TSC2: variants seen among roughly 807,000 people sequenced by gnomAD.
TSC2 encodes TSC complex subunit 2, also known as tuberin.
A neutral mutation model predicts 202.2 loss-of-function variants in TSC2; 29 were observed. The observed-to-expected ratio is 0.14, with a 90% CI of 0.11 to 0.20. The LOEUF (loss-of-function observed/expected upper bound fraction) is 0.20, where lower values mean the gene tolerates loss of function less well. Ranked by LOEUF, TSC2 falls within the 10% of genes least tolerant of loss-of-function variation. The pLI is 1.00. For synonymous variants in TSC2, 1,349 were observed against 1,044.0 expected, an observed-to-expected ratio of 1.29 and a Z score of -5.63; for missense variants, 2,429 against 2,420.0, an observed-to-expected ratio of 1.00 and a Z score of -0.08.
At chr16:2,077,003 C>T (rs1052400394) in intron 25 of TSC2, among the ~76,000 whole-genome samples, 3 of 152,234 alleles carry the variant, frequency 2.0e-5, no homozygotes, top group African/African-American at 4.8e-5. Flanking sequence ...TTCATTTGAA[C>T]GGCTTTCTCC....
At chr16:2,066,915 G>T (rs1959202195) in intron 16 of TSC2, among the ~76,000 whole-genome samples, 1 of 151,976 alleles carries the variant, frequency 6.6e-6, no homozygotes, top group South Asian at 2.1e-4. Context: ...TCCCGCCTTG[G>T]CCTCCCAAAG....
chr16:2,066,844 T>G (rs1033103943), intron 16 of TSC2, among the ~76,000 whole-genome samples: 10 of 151,972 alleles, frequency 6.6e-5, no homozygotes, highest in African/African-American at 2.4e-4. Flanking sequence ...GTATTATTAG[T>G]AGAAACTGGG....
At chr16:2,071,126 T>C (rs2151290882) in intron 17 of TSC2, among the ~76,000 whole-genome samples, 1 of 152,296 alleles carries the variant, frequency 6.6e-6, no homozygotes, top group Non-Finnish European at 1.5e-5. Flanking sequence ...GCCACCCCTG[T>C]GGCCTCAGAG....
In TSC2 at chr16:2,087,008, G is replaced by T. The variant is rs2090894225; in HGVS notation, c.4989+137G>T. 4.5e-6 allele frequency: 6 copies of T among 1,336,088 alleles called. No homozygotes were observed. In the African/African-American group the frequency reaches 5.8e-5, roughly 13 times the overall value. 82.8% of individuals were successfully genotyped at this position (1,336,088 alleles called of 1,614,324 possible). A position where few individuals can be genotyped will look rare whatever the true frequency, so the allele number is the denominator to read the frequency against. ...AGGCCGCAGTGCTCAGGGCCCCGTG[G>T]GCACGAGCTTCACCCCGAGCCTGCG... On this transcript the variant is annotated intron_variant, in intron 38 of 41. Transcript: ENST00000219476.
intron 10 of TSC2, 79 bp downstream of exon 10, chr16:2,058,952 G>T (rs2151111805): frequency 1.3e-6 from 2 of 1,559,866 alleles, no homozygotes; most frequent in Non-Finnish European, 1.7e-6. Flanking sequence ...CCCACTGGGG[G>T]TCCTGCTGCG....
intron 32 of TSC2, 70 bp downstream of exon 32, chr16:2,082,574 C>G (rs1249709693): frequency 1.3e-6 from 2 of 1,541,276 alleles, no homozygotes; most frequent in East Asian, 2.2e-5. Flanking sequence ...GTGCTCGTCG[C>G]CTCATCCGCC....
rs184695141 is a variant in TSC2 at position 2,080,643 on chromosome 16, C to T, written c.3610+266C>T. 8.7e-3 allele frequency: 4,145 copies of T among 477,378 alleles called. 30 individuals carry two copies. The highest frequency in any genetic ancestry group is 0.01 in the Non-Finnish European group (2,673 of 261,026). The allele number at this position is 477,378 out of a possible 1,614,324, so 29.6% of individuals were successfully genotyped here. A position where few individuals can be genotyped will look rare whatever the true frequency, so the allele number is the denominator to read the frequency against. Reference sequence around the variant, plus strand: ...GGACCACAGGCGCCCGCCACCACGCCTGGCCAATTTTTTTGTATTTCTAGT... The same window carrying T: ...GGACCACAGGCGCCCGCCACCACGCTTGGCCAATTTTTTTGTATTTCTAGT... On this transcript the variant is annotated intron_variant, in intron 30 of 41. Coordinates refer to ENST00000219476, the MANE Select transcript of TSC2 (RefSeq NM_000548.5).
chr16:2,048,508 C>CT (rs2084646934), intron 1 of TSC2, 79 bp from the exon 2 acceptor site: 23 of 1,577,138 alleles, frequency 1.5e-5, no homozygotes, highest in Non-Finnish European at 2.0e-5. Flanking sequence ...ACCCAGGGTC[C>CT]TGACGGCTGG....
intron 5 of TSC2, chr16:2,055,191 G>A (rs1204988183): frequency 1.6e-6 from 1 of 638,534 alleles, no homozygotes; most frequent in Non-Finnish European, 2.9e-6. Flanking sequence ...CCCAGGGGCG[G>A]TAGATCCTAG....
Position 2,058,845 on chromosome 16 carries a change from C to A in TSC2, c.947C>A (p.Pro316Gln), listed in dbSNP as rs751490043. 12 of 1,607,402 alleles carry A rather than the reference C, an allele frequency of 7.5e-6. No individual in the cohort carries two copies. Among genetic ancestry groups the A allele is most frequent in the Non-Finnish European group, 8.5e-7 (1 of 1,177,060 alleles). Reference sequence around the variant, plus strand: ...CGGCTCTATTCTCTCAGGAACTCGCCGACATCTGTGTTGCCATCATTTTAC... The same window carrying A: ...CGGCTCTATTCTCTCAGGAACTCGCAGACATCTGTGTTGCCATCATTTTAC... Reference protein sequence around the residue: ...AHRLYSLRNSPTSVLPSFYQA... With the variant: ...AHRLYSLRNSQTSVLPSFYQA... Residue 316 changes from proline (P) to glutamine (Q), a missense_variant, in exon 10 of 42, where the codon CCG becomes CAG. Physicochemically the swap from Pro to Gln is moderately conservative, Grantham distance 76. Coordinates refer to ENST00000219476, the MANE Select transcript of TSC2 (RefSeq NM_000548.5).
At chr16:2,072,593 C>T (rs2088632972) in intron 20 of TSC2, 1 of 800,312 alleles carries the variant, frequency 1.2e-6, no homozygotes, top group Non-Finnish European at 1.9e-6. Context: ...GGGCATGTCA[C>T]TGAATGTGGA....
chr16:2,064,721 G>A (rs895440380), intron 15 of TSC2: 22 of 508,598 alleles, frequency 4.3e-5, no homozygotes, highest in African/African-American at 1.5e-4. Flanking sequence ...TTGGCCTGCC[G>A]TCCTCCCTGC....
Position 2,089,358 on chromosome 16 carries a change from C to G in TSC2, c.*748C>G, listed in dbSNP as rs573566934. On this transcript the variant is annotated 3_prime_UTR_variant, in exon 42 of 42. Transcript: ENST00000219476. ...AGGTAATAACTTAGGGGCAGGGTGG[C>G]GGCGGTGCAGGCTAACCCTCCCTGA... The G allele has an allele frequency of 5.7e-6, 2 of 353,400 alleles. No homozygotes were observed. Among genetic ancestry groups the G allele is most frequent in the Non-Finnish European group, 1.0e-5 (2 of 190,950 alleles). 21.9% of individuals were successfully genotyped at this position (353,400 alleles called of 1,614,324 possible).
Position 2,060,579 on chromosome 16 carries a change from G to A in TSC2, c.976-91G>A, listed in dbSNP as rs576535168. 3.5e-5 allele frequency: 56 copies of A among 1,604,916 alleles called. No individual in the cohort carries two copies. In the East Asian group the frequency reaches 3.6e-4, roughly 10 times the overall value. On this transcript the variant is annotated intron_variant, in intron 10 of 41. Coordinates refer to ENST00000219476, the MANE Select transcript of TSC2 (RefSeq NM_000548.5). ...TGTGGTGGGCACTGCGCGCTCAGGC[G>A]TGCTACTCTCGGTCCCAAGGGTGAC...
rs895600540 is a variant in TSC2 at position 2,072,144 on chromosome 16, G to C, written c.2098-97G>C. 2.5e-6 allele frequency: 4 copies of C among 1,596,056 alleles called. No homozygotes were observed. In the African/African-American group the frequency reaches 5.4e-5, roughly 21 times the overall value. On this transcript the variant is annotated intron_variant, in intron 19 of 41. Transcript: ENST00000219476. ...CTGAGAACAGGGCTCCATAGCCCTT[G>C]ACGCTGTGCAGCCACAAAGCAGAGC...
intron 15 of TSC2, 82 bp from the exon 16 acceptor site, chr16:2,065,436 AG>A (rs1567441543): frequency 1.4e-5 from 10 of 726,012 alleles, no homozygotes; most frequent in East Asian, 1.1e-4. Flanking sequence ...AAAAAAAAAA[AG>A]GTGTTTGTGG....
chr16:2,088,002 T>TG (rs1567129066), intron 39 of TSC2, 46 bp from the exon 40 acceptor site: 2 of 1,610,240 alleles, frequency 1.2e-6, no homozygotes, highest in Non-Finnish European at 1.7e-6. Context: ...CCCTGCAGTG[T>TG]GGCGCCAAGA....
rs542065333 is a variant in TSC2, at chr16:2,082,605, C to T, written c.3883+101C>T. ...CCGCCCACCCCCATGGTCCGTCTGC[C>T]TCCATTGCCCTGGGGAGCAGGTCCC... On this transcript the variant is annotated intron_variant, in intron 32 of 41. Coordinates refer to ENST00000219476, the MANE Select transcript of TSC2 (RefSeq NM_000548.5). The T allele has an allele frequency of 8.3e-5, 111 of 1,342,536 alleles. No individual in the cohort carries two copies. The South Asian group carries it at 1.3e-3, about 15-fold the overall frequency. 83.2% of individuals were successfully genotyped at this position (1,342,536 alleles called of 1,614,324 possible). A position where few individuals can be genotyped will look rare whatever the true frequency, so the allele number is the denominator to read the frequency against.
Position 2,089,329 on chromosome 16 carries a change from G to A in TSC2, c.*719G>A, listed in dbSNP as rs540040398. 2.5e-4 allele frequency: 78 copies of A among 307,758 alleles called. No homozygotes were observed. The highest frequency in any genetic ancestry group is 1.5e-3 in the African/African-American group (70 of 46,902). 19.1% of individuals were successfully genotyped at this position (307,758 alleles called of 1,614,324 possible). On this transcript the variant is annotated 3_prime_UTR_variant, in exon 42 of 42. Coordinates refer to ENST00000219476, the MANE Select transcript of TSC2 (RefSeq NM_000548.5). ...CGGTGCAGGGAGTACGGTAGGAACT[G>A]GAGAGGTAATAACTTAGGGGCAGGG...
Sources: gnomAD v4.1 joint callset for allele counts (sites outside exome capture counted in the v4.1 genomes callset) on GRCh38, gnomAD v4.1.1 for gene constraint, MANE v1.5 for transcripts, NCBI Gene and HGNC (gene_info 2026-07-23, HGNC 2026-07-21) for gene names.